Variants in ABCC4 observed in about 807,000 individuals in gnomAD.
ABCC4 encodes the protein ATP-binding cassette sub-family C member 4.
ABCC4 carries 102 observed loss-of-function variants against 168.5 expected under a neutral mutation model. The observed-to-expected ratio is 0.61, with a 90% CI of 0.52 to 0.71. The LOEUF (loss-of-function observed/expected upper bound fraction) is 0.71. ABCC4 is among the 30% of genes least tolerant of loss of function. The pLI, the probability that ABCC4 is intolerant of heterozygous loss-of-function variation, is 0.00. For missense variants in ABCC4, 1,402 were observed against 1,605.8 expected (o/e 0.87, Z 2.17); for synonymous variants, 617 against 590.7 (o/e 1.04, Z -0.65).
intron 26 of ABCC4, 152 bp downstream of exon 26, chr13:95,062,552 C>T (rs2033339611): frequency 1.6e-6 from 1 of 641,942 alleles, no homozygotes; most frequent in Non-Finnish European, 2.6e-6. Context: ...GATGAAAATA[C>T]CTGTTGAAAA....
At chr13:95,057,061 T>A (rs2033086450) in intron 26 of ABCC4, among the ~76,000 whole-genome samples, 1 of 152,220 alleles carries the variant, frequency 6.6e-6, no homozygotes. Flanking sequence ...CTTGTCTGAG[T>A]TATAGTATCA....
chr13:95,067,552 T>C (rs542819566), intron 25 of ABCC4, among the ~76,000 whole-genome samples: 1 of 152,038 alleles, frequency 6.6e-6, no homozygotes, highest in East Asian at 1.9e-4. Flanking sequence ...GCAATTTTAA[T>C]CAAAAGGGTG....
intron 19 of ABCC4, among the ~76,000 whole-genome samples, chr13:95,150,661 A>T (rs187137115): frequency 6.6e-6 from 1 of 152,360 alleles, no homozygotes; most frequent in African/African-American, 2.4e-5. Context: ...TCATGATAAC[A>T]TTACTTACAG....
At chr13:95,159,295 A>G (rs1280290414) in intron 19 of ABCC4, among the ~76,000 whole-genome samples, 1 of 151,596 alleles carries the variant, frequency 6.6e-6, no homozygotes, top group East Asian at 1.9e-4. Context: ...AACATCTACC[A>G]CTAAAAAAAG....
At chr13:95,157,740 A>G (rs780811661) in intron 19 of ABCC4, among the ~76,000 whole-genome samples, 1 of 152,164 alleles carries the variant, frequency 6.6e-6, no homozygotes, top group Non-Finnish European at 1.5e-5. Flanking sequence ...GAGGAACTTA[A>G]TATCTGGCAT....
chr13:95,059,842 G>A (rs2033219457), intron 26 of ABCC4, among the ~76,000 whole-genome samples: 1 of 152,162 alleles, frequency 6.6e-6, no homozygotes, highest in African/African-American at 2.4e-5. Flanking sequence ...TCAGAACCCA[G>A]AGTAGGGCCA....
At chr13:95,022,428 T>C (rs1234344327) in intron 30 of ABCC4, among the ~76,000 whole-genome samples, 1 of 152,184 alleles carries the variant, frequency 6.6e-6, no homozygotes, top group African/African-American at 2.4e-5. Flanking sequence ...ATAAAGGAAA[T>C]GAAATGCTGT....
chr13:95,252,180 T>C (rs1817975593), intron 1 of ABCC4, among the ~76,000 whole-genome samples: 1 of 152,096 alleles, frequency 6.6e-6, no homozygotes, highest in Admixed American at 6.5e-5. Flanking sequence ...ACAAAGGCCT[T>C]CCTTTATGTG....
chr13:95,181,235 C>T (rs187754800), intron 11 of ABCC4, among the ~76,000 whole-genome samples: 2 of 152,324 alleles, frequency 1.3e-5, no homozygotes, highest in Admixed American at 6.5e-5. Context: ...TGCACATCAA[C>T]CATGGTGACA....
chr13:95,101,742 G>A (rs2034817569), intron 20 of ABCC4, among the ~76,000 whole-genome samples: 1 of 152,134 alleles, frequency 6.6e-6, no homozygotes, highest in Non-Finnish European at 1.5e-5. Flanking sequence ...GGTTCCAGAA[G>A]AGAAAATAGC....
At chr13:95,119,378 C>A (rs1158791060) in intron 19 of ABCC4, among the ~76,000 whole-genome samples, 2 of 152,038 alleles carry the variant, frequency 1.3e-5, no homozygotes, top group Non-Finnish European at 2.9e-5. Flanking sequence ...CAGGAAACAA[C>A]CGAAATGTCT....
chr13:95,280,923 T>C (rs1408057910), intron 1 of ABCC4, among the ~76,000 whole-genome samples: 1 of 152,120 alleles, frequency 6.6e-6, no homozygotes, highest in African/African-American at 2.4e-5. Flanking sequence ...TTAAAATATT[T>C]ATTTTAAGGA....
At chr13:95,276,516 A>AG (rs1243945457) in intron 1 of ABCC4, among the ~76,000 whole-genome samples, 2 of 151,470 alleles carry the variant, frequency 1.3e-5, no homozygotes, top group Non-Finnish European at 2.9e-5. Flanking sequence ...CAAAAAAAAA[A>AG]AAAGAAAAAA....
chr13:95,180,322 C>G (rs531055337), intron 11 of ABCC4, among the ~76,000 whole-genome samples: 2 of 152,134 alleles, frequency 1.3e-5, no homozygotes, highest in African/African-American at 2.4e-5. Flanking sequence ...GGGAGGCCGA[C>G]ACGGGTGGAT....
chr13:95,147,788 T>C (rs1016085366), intron 19 of ABCC4, among the ~76,000 whole-genome samples: 13 of 152,198 alleles, frequency 8.5e-5, no homozygotes, highest in Admixed American at 7.2e-4. Context: ...CTTTCCTTAA[T>C]TACACAATAG....
intron 30 of ABCC4, among the ~76,000 whole-genome samples, chr13:95,025,152 C>T (rs2031340294): frequency 6.7e-6 from 1 of 150,100 alleles, no homozygotes; most frequent in South Asian, 2.1e-4. Context: ...AAAACATGCA[C>T]TCTCAATTTC....
chr13:95,290,534 A>C (rs1000650631), intron 1 of ABCC4, among the ~76,000 whole-genome samples: 6 of 151,880 alleles, frequency 4.0e-5, no homozygotes, highest in Admixed American at 6.6e-5. Flanking sequence ...GTGAAACCCT[A>C]TCTCTACTAA....
chr13:95,171,478 G>C (rs1490278595), intron 13 of ABCC4, among the ~76,000 whole-genome samples: 1 of 151,328 alleles, frequency 6.6e-6, no homozygotes, highest in Non-Finnish European at 1.5e-5. Flanking sequence ...AATCACTTGA[G>C]CCCAGGAGGT....
chr13:95,185,078 G>C (rs551117399), intron 11 of ABCC4, among the ~76,000 whole-genome samples: 6 of 152,168 alleles, frequency 3.9e-5, no homozygotes, highest in Non-Finnish European at 7.4e-5. Context: ...GGAAATGTTA[G>C]CAATTCTGTA....
Sources: gnomAD v4.1 joint callset for allele counts (sites outside exome capture counted in the v4.1 genomes callset) on GRCh38, gnomAD v4.1.1 for gene constraint, MANE v1.5 for transcripts, NCBI Gene and HGNC (gene_info 2026-07-23, HGNC 2026-07-21) for gene names.